DLG2: variants seen among roughly 807,000 people sequenced by gnomAD.
The protein encoded by DLG2 is disks large homolog 2.
Under a neutral mutation model 132.5 loss-of-function variants are expected in DLG2, and 45 were observed. That is an observed-to-expected ratio of 0.34 (90% confidence interval 0.27 to 0.44). DLG2 has a LOEUF of 0.44. Among genes scored for constraint, DLG2 ranks in the 20% least tolerant of loss-of-function variants. The pLI, the probability that DLG2 is intolerant of heterozygous loss-of-function variation, is 1.00. For synonymous variants in DLG2, 424 were observed against 419.6 expected, an observed-to-expected ratio of 1.01 and a Z score of -0.13; for missense variants, 1,045 against 1,196.9, an observed-to-expected ratio of 0.87 and a Z score of 1.87.
At chr11:85,257,975 T>C (rs971847396) in intron 4 of DLG2, among the ~76,000 whole-genome samples, 15 of 152,286 alleles carry the variant, frequency 9.8e-5, no homozygotes, top group African/African-American at 2.9e-4. Flanking sequence ...GGAACCTGGC[T>C]CTATAGAAGA....
chr11:85,448,901 A>C (rs1333258255), intron 3 of DLG2, among the ~76,000 whole-genome samples: 1 of 152,016 alleles, frequency 6.6e-6, no homozygotes, highest in Admixed American at 6.5e-5. Flanking sequence ...GACTGTGCTT[A>C]TTTATGCTTC....
chr11:84,439,737 T>C (rs1413033971), intron 7 of DLG2, among the ~76,000 whole-genome samples: 1 of 152,232 alleles, frequency 6.6e-6, no homozygotes, highest in Non-Finnish European at 1.5e-5. Flanking sequence ...GCACACAAGT[T>C]GTTCCAAGCC....
chr11:84,552,169 C>T (rs1245567206), intron 6 of DLG2, among the ~76,000 whole-genome samples: 1 of 152,132 alleles, frequency 6.6e-6, no homozygotes, highest in African/African-American at 2.4e-5. Context: ...TCTAAATCAG[C>T]AGATATATTT....
intron 18 of DLG2, among the ~76,000 whole-genome samples, chr11:83,689,099 G>A (rs2080371599): frequency 6.6e-6 from 1 of 152,112 alleles, no homozygotes; most frequent in African/African-American, 2.4e-5. Context: ...CAGCTGCATA[G>A]CATATTTTTA....
chr11:85,197,620 A>G (rs1198321416), intron 4 of DLG2, among the ~76,000 whole-genome samples: 1 of 152,204 alleles, frequency 6.6e-6, no homozygotes, highest in African/African-American at 2.4e-5. Context: ...CTAGATTTCT[A>G]GACATAAATT....
intron 3 of DLG2, among the ~76,000 whole-genome samples, chr11:85,324,172 G>A (rs897491961): frequency 6.6e-6 from 1 of 152,144 alleles, no homozygotes; most frequent in African/African-American, 2.4e-5. Context: ...TCTGAATTAT[G>A]TAGGCCCAGA....
At chr11:83,729,582 TA>T (rs2090618402) in intron 18 of DLG2, among the ~76,000 whole-genome samples, 1 of 152,198 alleles carries the variant, frequency 6.6e-6, no homozygotes, top group Non-Finnish European at 1.5e-5. Flanking sequence ...CACCTTGCAT[TA>T]AGTTCTTCAA....
At chr11:84,236,295 A>G (rs550406132) in intron 8 of DLG2, among the ~76,000 whole-genome samples, 6 of 152,264 alleles carry the variant, frequency 3.9e-5, no homozygotes, top group Non-Finnish European at 7.3e-5. Context: ...TGCAATAGAC[A>G]TTCAAAGACA....
chr11:84,422,701 C>A lies in DLG2; in HGVS notation c.519+111869G>T, dbSNP rs570780815. Among the ~76,000 whole-genome samples the A allele has an allele frequency of 2.6e-5, 4 of 152,204 alleles. 1 individual carries two copies. Among genetic ancestry groups the A allele is most frequent in the South Asian group, 4.1e-4 (2 of 4,830 alleles). On this transcript the variant is annotated intron_variant, in intron 7 of 27. Coordinates refer to ENST00000376104, the MANE Select transcript of DLG2 (RefSeq NM_001142699.3). ...ATATACTAAGGAAGAATTTAATTAG[C>A]TGAAACCTAAATTGTCATTATTAAT...
At chr11:85,071,608 A>T (rs1354644929) in intron 6 of DLG2, among the ~76,000 whole-genome samples, 1 of 151,864 alleles carries the variant, frequency 6.6e-6, no homozygotes, top group African/African-American at 2.4e-5. Flanking sequence ...GACATGCCAA[A>T]TCATTGTTAT....
At chr11:85,375,867 G>A (rs1210623229) in intron 3 of DLG2, among the ~76,000 whole-genome samples, 2 of 152,144 alleles carry the variant, frequency 1.3e-5, no homozygotes, top group Non-Finnish European at 1.5e-5. Context: ...CACTTTAATT[G>A]TGCTCTTGGT....
chr11:85,548,698 G>C (rs2153219304), intron 3 of DLG2, among the ~76,000 whole-genome samples: 1 of 152,300 alleles, frequency 6.6e-6, no homozygotes, highest in East Asian at 1.9e-4. Context: ...AGAGAGGAGG[G>C]AATCTGGAGA....
chr11:83,844,440 T>C lies in DLG2; in HGVS notation c.1566-10670A>G, dbSNP rs1385621674. Among the ~76,000 whole-genome samples the C allele has an allele frequency of 6.8e-5, 10 of 147,834 alleles. No individual in the cohort carries two copies. In the Admixed American group the frequency reaches 6.9e-4, roughly 10 times the overall value. On this transcript the variant is annotated intron_variant, in intron 16 of 27. Transcript: ENST00000376104. ...GTGCATGTCTGTAATCCCAGCTACT[T>C]GGGTGGCTGAGGCACGAGAATTGCT... is the stretch of plus-strand genomic sequence containing the variant.
chr11:83,535,186 T>G (rs10898134), intron 20 of DLG2, among the ~76,000 whole-genome samples: 55,826 of 152,150 alleles, frequency 0.37, 10,413 homozygotes, highest in Middle Eastern at 0.47. Flanking sequence ...CTTTGTATTC[T>G]TCTAAAACTG....
intron 6 of DLG2, among the ~76,000 whole-genome samples, chr11:84,808,332 G>A (rs1385584413): frequency 6.6e-6 from 1 of 151,992 alleles, no homozygotes. Flanking sequence ...CACAGTTAAA[G>A]TCACCCTAAA....
chr11:84,119,267 C>T (rs1042575289), intron 9 of DLG2, among the ~76,000 whole-genome samples: 1 of 152,078 alleles, frequency 6.6e-6, no homozygotes, highest in Admixed American at 6.5e-5. Context: ...ACCCAAATAC[C>T]GCTATTTCAC....
intron 7 of DLG2, among the ~76,000 whole-genome samples, chr11:84,432,924 T>G (rs2098989103): frequency 6.6e-6 from 1 of 152,074 alleles, no homozygotes. Flanking sequence ...CTCAGGAAGC[T>G]GAGACACGAG....
chr11:84,624,217 T>C (rs1425392408), intron 6 of DLG2, among the ~76,000 whole-genome samples: 2 of 152,178 alleles, frequency 1.3e-5, no homozygotes, highest in Admixed American at 1.3e-4. Context: ...ACTTCAGCAG[T>C]GTATTTTCCT....
intron 16 of DLG2, among the ~76,000 whole-genome samples, chr11:83,842,090 G>A (rs1450906681): frequency 6.6e-6 from 1 of 152,146 alleles, no homozygotes; most frequent in African/African-American, 2.4e-5. Context: ...TATGTAAAAA[G>A]TCTTTAAAAT....
Sources: gnomAD v4.1 joint callset for allele counts (sites outside exome capture counted in the v4.1 genomes callset) on GRCh38, gnomAD v4.1.1 for gene constraint, MANE v1.5 for transcripts, NCBI Gene and HGNC (gene_info 2026-07-23, HGNC 2026-07-21) for gene names.